Variants in EGFLAM observed in about 807,000 individuals in gnomAD.
The protein encoded by EGFLAM is pikachurin.
A neutral mutation model predicts 113.1 loss-of-function variants in EGFLAM; 79 were observed. The observed-to-expected ratio is 0.70, with a 90% CI of 0.58 to 0.84. The LOEUF is 0.84. EGFLAM is among the 40% of genes least tolerant of loss of function. The pLI, the probability that EGFLAM is intolerant of heterozygous loss-of-function variation, is 0.00. For synonymous variants in EGFLAM, 504 were observed against 487.6 expected (o/e 1.03, Z -0.44); for missense variants, 1,265 against 1,291.6 (o/e 0.98, Z 0.32).
intron 1 of EGFLAM, among the ~76,000 whole-genome samples, chr5:38,336,522 C>T (rs1261578926): frequency 1.3e-5 from 2 of 151,086 alleles, no homozygotes; most frequent in Non-Finnish European, 2.9e-5. Flanking sequence ...TGCAGTGAGC[C>T]GAGATGGCGC....
intron 9 of EGFLAM, among the ~76,000 whole-genome samples, chr5:38,408,619 G>A (rs1031024458): frequency 6.6e-6 from 1 of 152,120 alleles, no homozygotes; most frequent in African/African-American, 2.4e-5. Flanking sequence ...TGCCTCCCCA[G>A]GGGGAGGGAA....
chr5:38,335,082 G>T (rs1739149315), intron 1 of EGFLAM, among the ~76,000 whole-genome samples: 1 of 152,144 alleles, frequency 6.6e-6, no homozygotes, highest in Non-Finnish European at 1.5e-5. Flanking sequence ...TCAAGGTCGA[G>T]ATACCATCTT....
chr5:38,286,542 A>C (rs950751298), intron 1 of EGFLAM, among the ~76,000 whole-genome samples: 1 of 152,196 alleles, frequency 6.6e-6, no homozygotes, highest in East Asian at 1.9e-4. Context: ...CTCCTCAAGG[A>C]AAAAAATGCT....
intron 1 of EGFLAM, among the ~76,000 whole-genome samples, chr5:38,308,859 G>A (rs1758794465): frequency 6.6e-6 from 1 of 152,294 alleles, no homozygotes; most frequent in Middle Eastern, 3.4e-3. Flanking sequence ...AGGTTGCTGT[G>A]TTGAGTTGAA....
At chr5:38,289,941 T>C (rs985655073) in intron 1 of EGFLAM, among the ~76,000 whole-genome samples, 11 of 152,354 alleles carry the variant, frequency 7.2e-5, no homozygotes, top group Middle Eastern at 3.4e-3. Flanking sequence ...CCAATATTTG[T>C]GAAGCACTTA....
At chr5:38,264,142 G>C (rs1273290766) in intron 1 of EGFLAM, among the ~76,000 whole-genome samples, 1 of 152,206 alleles carries the variant, frequency 6.6e-6, no homozygotes, top group Non-Finnish European at 1.5e-5. Context: ...ATTTAGACAA[G>C]TCTCCTGACA....
At chr5:38,351,193 C>T (rs561697851) in intron 4 of EGFLAM, among the ~76,000 whole-genome samples, 6 of 151,632 alleles carry the variant, frequency 4.0e-5, no homozygotes, top group Non-Finnish European at 7.4e-5. Flanking sequence ...ACTGCAACCT[C>T]CACCTCCTGG....
intron 19 of EGFLAM, among the ~76,000 whole-genome samples, chr5:38,456,411 C>T (rs1230036092): frequency 6.6e-6 from 1 of 152,160 alleles, no homozygotes; most frequent in African/African-American, 2.4e-5. Context: ...TTCTGCCCAC[C>T]AGCAACTCGC....
intron 5 of EGFLAM, among the ~76,000 whole-genome samples, chr5:38,356,155 G>A (rs1739756758): frequency 6.6e-6 from 1 of 152,162 alleles, no homozygotes; most frequent in South Asian, 2.1e-4. Context: ...GTGTCTGGAA[G>A]GTTAGTTTCA....
chr5:38,462,616 TAA>T (rs1743322253), intron 20 of EGFLAM: 4 of 313,550 alleles, frequency 1.3e-5, no homozygotes, highest in South Asian at 3.7e-5. Flanking sequence ...CTCTCTAGTC[TAA>T]GTTAGGCGCT....
rs538023069 is a variant in EGFLAM at position 38,397,978 on chromosome 5, A to G, written c.713-8148A>G. On this transcript the variant is annotated intron_variant, in intron 6 of 21. Transcript: ENST00000322350. The stretch of plus-strand genomic sequence containing the variant: ...GAATGTGGTCATTATAAGATCAGGC[A>G]TAGATCCTGGTTCAGTCATTTTTTT... 3.3e-5 allele frequency among the ~76,000 whole-genome samples: 5 copies of G among 152,346 alleles called. No individual in the cohort carries two copies. The South Asian group carries it at 1.0e-3, about 32-fold the overall frequency.
In EGFLAM at chr5:38,388,538, G is replaced by T. The variant is rs550985202; in HGVS notation, c.713-17588G>T. On this transcript the variant is annotated intron_variant, in intron 6 of 21. Transcript: ENST00000322350. The stretch of plus-strand genomic sequence containing the variant: ...GCAGGTGGATCACTTGAGGTCAGGG[G>T]TTTGAGACCAGCCTGGCCAACATGG... Among the ~76,000 whole-genome samples the T allele has an allele frequency of 4.0e-4, 61 of 152,072 alleles. 1 individual carries two copies. The highest frequency in any genetic ancestry group is 1.5e-3 in the African/African-American group (61 of 41,452).
chr5:38,440,855 T>G (rs1742510523), intron 17 of EGFLAM, among the ~76,000 whole-genome samples: 1 of 152,196 alleles, frequency 6.6e-6, no homozygotes. Context: ...ATGAGGAATT[T>G]TGTTTTCTGG....
At chr5:38,370,558 G>A in intron 6 of EGFLAM, 96 bp downstream of exon 6, 1 of 1,427,468 alleles carries the variant, frequency 7.0e-7, no homozygotes, top group Admixed American at 2.3e-5. Context: ...CAGAAGGACA[G>A]CCTGGAAAAG....
chr5:38,433,554 G>A (rs973418960), intron 15 of EGFLAM, among the ~76,000 whole-genome samples: 2 of 152,184 alleles, frequency 1.3e-5, no homozygotes, highest in Admixed American at 6.5e-5. Flanking sequence ...GGAGGGTGCT[G>A]CATGACGATT....
At chr5:38,281,643 A>G (rs1287508966) in intron 1 of EGFLAM, among the ~76,000 whole-genome samples, 1 of 152,168 alleles carries the variant, frequency 6.6e-6, no homozygotes, top group African/African-American at 2.4e-5. Flanking sequence ...GAAATTGAGT[A>G]TGACATTTGG....
chr5:38,258,857 G>A lies in EGFLAM; in HGVS notation c.97+6G>A. 2.5e-6 allele frequency: 4 copies of A among 1,609,990 alleles called. No homozygotes were observed. The highest frequency in any genetic ancestry group is 2.5e-6 in the Non-Finnish European group (3 of 1,178,524). On this transcript the variant is annotated splice_donor_region_variant and intron_variant, in intron 1 of 21. Coordinates refer to ENST00000322350, the MANE Select transcript of EGFLAM (RefSeq NM_152403.4). Reference sequence around the variant, plus strand: ...AGCGGCCATCCGAAAACCAGGTAATGCGCTCCTCCGCCCAGAGCCACCACG... The same window carrying A: ...AGCGGCCATCCGAAAACCAGGTAATACGCTCCTCCGCCCAGAGCCACCACG...
At position 38,258,626 on chromosome 5, in the gene EGFLAM, C is replaced by G. The variant is rs1191619193; in HGVS notation, c.-129C>G. On this transcript the variant is annotated 5_prime_UTR_variant, in exon 1 of 22. Coordinates refer to ENST00000322350, the MANE Select transcript of EGFLAM (RefSeq NM_152403.4). ...AACTACCCGTGTTTCCGGGCCCAGC[C>G]CTCGCAGCCCCCCACCTCCTCGCCC... is the stretch of plus-strand genomic sequence containing the variant. 9.5e-7 allele frequency: 1 copy of G among 1,057,290 alleles called. No individual in the cohort carries two copies. The highest frequency in any genetic ancestry group is 1.4e-6 in the Non-Finnish European group (1 of 705,188). The allele number at this position is 1,057,290 out of a possible 1,614,324, so 65.5% of individuals were successfully genotyped here.
chr5:38,416,727 T>G (rs1331687910), intron 11 of EGFLAM, among the ~76,000 whole-genome samples: 1 of 152,140 alleles, frequency 6.6e-6, no homozygotes, highest in African/African-American at 2.4e-5. Context: ...AGAAGTGAAT[T>G]CTGAGAATCT....
Sources: gnomAD v4.1 joint callset for allele counts (sites outside exome capture counted in the v4.1 genomes callset) on GRCh38, gnomAD v4.1.1 for gene constraint, MANE v1.5 for transcripts, NCBI Gene and HGNC (gene_info 2026-07-23, HGNC 2026-07-21) for gene names.